The following SLC44A5 variants were observed in gnomAD, a reference collection of about 807,000 sequenced individuals.
The protein encoded by SLC44A5 is choline transporter-like protein 5.
In SLC44A5, 57 loss-of-function variants were observed where a neutral mutation model predicts 101.8. The ratio of observed to expected loss-of-function variants is 0.56; its 90% confidence interval spans 0.45 to 0.70. The LOEUF (loss-of-function observed/expected upper bound fraction) is 0.70, where lower values mean the gene tolerates loss of function less well. Ranked by LOEUF, SLC44A5 falls within the 30% of genes least tolerant of loss-of-function variation. The pLI is 0.00. For synonymous variants in SLC44A5, 281 were observed against 290.9 expected (o/e 0.97, Z 0.35); for missense variants, 737 against 853.1 (o/e 0.86, Z 1.70).
chr1:75,376,253 C>A (rs1010754441), intron 3 of SLC44A5, among the ~76,000 whole-genome samples: 1 of 152,186 alleles, frequency 6.6e-6, no homozygotes, highest in Non-Finnish European at 1.5e-5. Context: ...GGCAGCGAGG[C>A]TGGGGGAGGG....
chr1:75,502,566 T>C (rs187844426), intron 2 of SLC44A5, among the ~76,000 whole-genome samples: 281 of 152,210 alleles, frequency 1.8e-3, no homozygotes, highest in Non-Finnish European at 2.9e-3. Context: ...ATTTTTTTAT[T>C]ATTATACTTT....
intron 1 of SLC44A5, among the ~76,000 whole-genome samples, chr1:75,552,033 G>A (rs1671964143): frequency 6.6e-6 from 1 of 152,010 alleles, no homozygotes; most frequent in Non-Finnish European, 1.5e-5. Flanking sequence ...GCAATTGGCT[G>A]TCTCCATAGT....
the SLC44A5 span, among the ~76,000 whole-genome samples, chr1:75,686,172 AT>A: frequency 6.6e-6 from 1 of 152,172 alleles, no homozygotes; most frequent in East Asian, 1.9e-4. Context: ...TCAAGGTGAG[AT>A]TTGGGTGGGG....
At chr1:75,588,506 A>G (rs1216867890) in intron 1 of SLC44A5, among the ~76,000 whole-genome samples, 2 of 152,128 alleles carry the variant, frequency 1.3e-5, no homozygotes, top group Non-Finnish European at 2.9e-5. Flanking sequence ...ATTGGAACAC[A>G]TATCTGCCCG....
intron 4 of SLC44A5, among the ~76,000 whole-genome samples, chr1:75,320,538 G>A (rs1049969927): frequency 2.0e-5 from 3 of 152,078 alleles, no homozygotes; most frequent in Admixed American, 1.3e-4. Flanking sequence ...TACATATTGT[G>A]CCTTGTAAGT....
chr1:75,527,687 G>C (rs1384739031), intron 2 of SLC44A5, among the ~76,000 whole-genome samples: 1 of 148,432 alleles, frequency 6.7e-6, no homozygotes, highest in Non-Finnish European at 1.5e-5. Context: ...TCTCTTTTTA[G>C]CAAGACTTTG....
At chr1:75,537,697 G>C (rs1043223914) in intron 2 of SLC44A5, among the ~76,000 whole-genome samples, 5 of 152,170 alleles carry the variant, frequency 3.3e-5, no homozygotes, top group Non-Finnish European at 5.9e-5. Context: ...GGGAATACAA[G>C]GTGAGGAGGG....
At chr1:75,717,951 T>C in the SLC44A5 span, among the ~76,000 whole-genome samples, 18 of 152,322 alleles carry the variant, frequency 1.2e-4, no homozygotes, top group East Asian at 3.5e-3. Context: ...CAAAGTTCCT[T>C]GGCTCAATTC....
intron 1 of SLC44A5, among the ~76,000 whole-genome samples, chr1:75,596,212 A>G (rs1048001573): frequency 1.6e-4 from 25 of 151,940 alleles, no homozygotes; most frequent in Non-Finnish European, 3.4e-4. Context: ...GCACACACAC[A>G]CACACACACA....
chr1:75,362,350 C>G (rs1659550346), intron 3 of SLC44A5, among the ~76,000 whole-genome samples: 2 of 151,494 alleles, frequency 1.3e-5, no homozygotes, highest in South Asian at 4.2e-4. Context: ...TTTTGTTCTT[C>G]TTTTCCTACT....
chr1:75,707,228 C>A, the SLC44A5 span, among the ~76,000 whole-genome samples: 1 of 152,164 alleles, frequency 6.6e-6, no homozygotes, highest in Non-Finnish European at 1.5e-5. Flanking sequence ...AGTACTCAGA[C>A]ACAGGTATGC....
intron 2 of SLC44A5, among the ~76,000 whole-genome samples, chr1:75,532,031 T>C (rs1276871207): frequency 6.6e-6 from 1 of 152,166 alleles, no homozygotes; most frequent in Non-Finnish European, 1.5e-5. Context: ...ACCTGGAAAC[T>C]TGTTAGAATG....
Position 75,222,471 on chromosome 1 carries a change from G to GAA in SLC44A5, c.986-13_986-12dup. On this transcript the variant is annotated splice_polypyrimidine_tract_variant and intron_variant, in intron 13 of 23. Coordinates refer to ENST00000370859, the MANE Select transcript of SLC44A5 (RefSeq NM_001130058.2). ...TGCAGAGTATTATCACTTTGAACAG[G>GAA]AAAAAAAAAATCAGTCTGTAATACA... The GAA allele has an allele frequency of 6.9e-6, 10 of 1,453,920 alleles. No homozygotes were observed. The highest frequency in any genetic ancestry group is 1.3e-5 in the South Asian group (1 of 79,842). The allele number at this position is 1,453,920 out of a possible 1,614,324, so 90.1% of individuals were successfully genotyped here.
chr1:75,537,025 A>ATATAT (rs1437539277), intron 2 of SLC44A5, among the ~76,000 whole-genome samples: 2 of 27,608 alleles, frequency 7.2e-5, no homozygotes, highest in Non-Finnish European at 2.0e-4. Flanking sequence ...AAAAAAAAAA[A>ATATAT]AAAAAAAAAT....
chr1:75,400,511 G>A (rs1391716585), intron 2 of SLC44A5, among the ~76,000 whole-genome samples: 1 of 152,134 alleles, frequency 6.6e-6, no homozygotes, highest in Non-Finnish European at 1.5e-5. Context: ...TTTTAAGTAC[G>A]ACCTTTACTT....
chr1:75,693,820 G>C, the SLC44A5 span, among the ~76,000 whole-genome samples: 1 of 152,098 alleles, frequency 6.6e-6, no homozygotes, highest in East Asian at 1.9e-4. Flanking sequence ...GATCAGCTAT[G>C]TCAAATTGTG....
At chr1:75,471,989 C>A (rs1667137906) in intron 2 of SLC44A5, among the ~76,000 whole-genome samples, 2 of 149,846 alleles carry the variant, frequency 1.3e-5, no homozygotes, top group Non-Finnish European at 3.0e-5. Flanking sequence ...TTTCTCATGT[C>A]TCTCTAAGCA....
intron 2 of SLC44A5, among the ~76,000 whole-genome samples, chr1:75,408,550 C>A (rs1201824474): frequency 6.6e-6 from 1 of 152,162 alleles, no homozygotes; most frequent in African/African-American, 2.4e-5. Flanking sequence ...GAGTTCATGT[C>A]TTTTGCAGGG....
At chr1:75,321,450 C>CAG (rs58617518) in intron 4 of SLC44A5, among the ~76,000 whole-genome samples, 14,832 of 146,168 alleles carry the variant, frequency 0.1, 782 homozygotes, top group Middle Eastern at 0.19. Flanking sequence ...TGTTATATGG[C>CAG]AGAGAGAGAG....
Sources: gnomAD v4.1 joint callset for allele counts (sites outside exome capture counted in the v4.1 genomes callset) on GRCh38, gnomAD v4.1.1 for gene constraint, MANE v1.5 for transcripts, NCBI Gene and HGNC (gene_info 2026-07-23, HGNC 2026-07-21) for gene names.